Variants in PRKCQ observed in about 807,000 individuals in gnomAD.
The protein encoded by PRKCQ is protein kinase C theta type.
PRKCQ carries 41 observed loss-of-function variants against 91.2 expected under a neutral mutation model. The observed-to-expected ratio is 0.45, with a 90% confidence interval of 0.35 to 0.58. The LOEUF is 0.58. Among genes scored for constraint, PRKCQ ranks in the 20% least tolerant of loss-of-function variants. The probability of loss-of-function intolerance (pLI) is 0.00; values close to 1 mark genes in which losing one functional copy is unlikely to be tolerated. For synonymous variants in PRKCQ, 307 were observed against 316.9 expected, an observed-to-expected ratio of 0.97 and a Z score of 0.33; for missense variants, 673 against 896.5, an observed-to-expected ratio of 0.75 and a Z score of 3.18.
At chr10:6,515,276 A>G in intron 1 of PRKCQ, 132 bp from the exon 2 acceptor site, 1 of 1,539,160 alleles carries the variant, frequency 6.5e-7, no homozygotes, top group Middle Eastern at 1.7e-4. Flanking sequence ...CCATGTGAAC[A>G]AATGTTTTCA....
At chr10:6,539,196 G>A (rs1166764869) in intron 1 of PRKCQ, among the ~76,000 whole-genome samples, 2 of 152,030 alleles carry the variant, frequency 1.3e-5, no homozygotes, top group African/African-American at 2.4e-5. Flanking sequence ...ATATTTTCAC[G>A]ACTCATCAGT....
At chr10:6,522,771 C>A (rs1825195881) in intron 1 of PRKCQ, among the ~76,000 whole-genome samples, 1 of 152,178 alleles carries the variant, frequency 6.6e-6, no homozygotes, top group African/African-American at 2.4e-5. Flanking sequence ...ATCAAAACCT[C>A]TCACATGTGG....
Position 6,498,453 on chromosome 10 carries a change from A to T in PRKCQ, c.485T>A (p.Phe162Tyr), listed in dbSNP as rs1445974399. Residue 162 changes from phenylalanine (F) to tyrosine (Y), a missense_variant, in exon 5 of 18, where the codon TTC (phenylalanine) becomes TAC (tyrosine). Coordinates refer to ENST00000263125, the MANE Select transcript of PRKCQ (RefSeq NM_006257.5). ...GGGCTGTGGGAAGAAGGTGGCAGTG[A>T]ACTCGTGGCACTTGACGTGGTGGAC... is the stretch of plus-strand genomic sequence containing the variant. ...AKVHHVKCHE[F>Y]TATFFPQPTF... 1 of 1,614,196 alleles carries T rather than the reference A, an allele frequency of 6.2e-7. No homozygotes were observed. The highest frequency in any genetic ancestry group is 1.1e-5 in the South Asian group (1 of 91,082).
chr10:6,566,131 A>T (rs184143619), intron 1 of PRKCQ, among the ~76,000 whole-genome samples: 16 of 152,308 alleles, frequency 1.1e-4, no homozygotes, highest in Non-Finnish European at 4.4e-5. Context: ...CCCCACTAAC[A>T]CTGTAGAACG....
intron 7 of PRKCQ, among the ~76,000 whole-genome samples, chr10:6,494,904 C>T (rs546493163): frequency 6.6e-6 from 1 of 152,234 alleles, no homozygotes; most frequent in Non-Finnish European, 1.5e-5. Flanking sequence ...TCCGACTCAA[C>T]ATGTCCAAAC....
intron 1 of PRKCQ, among the ~76,000 whole-genome samples, chr10:6,545,945 A>C (rs951102347): frequency 6.6e-6 from 1 of 152,138 alleles, no homozygotes; most frequent in Non-Finnish European, 1.5e-5. Context: ...TGGAGGTTGC[A>C]GTGAGCTGAG....
At chr10:6,404,255 G>GAGAGAGAGAGAGAGAGAGAGAGA in the PRKCQ span, among the ~76,000 whole-genome samples, 4 of 34,360 alleles carry the variant, frequency 1.2e-4, 1 homozygote, top group Admixed American at 5.3e-4. Flanking sequence ...GAAGGGGGGG[G>GAGAGAGAGAGAGAGAGAGAGAGA]GAGAGAGAGA....
intron 8 of PRKCQ, among the ~76,000 whole-genome samples, chr10:6,490,472 T>C (rs1837224489): frequency 6.7e-6 from 1 of 150,230 alleles, no homozygotes; most frequent in Non-Finnish European, 1.5e-5. Flanking sequence ...ACTCCTGTAA[T>C]CCTAGCACTT....
rs117613395 is a variant in PRKCQ at position 6,440,657 on chromosome 10, G to A, written c.1836+1236C>T. ...AGCTGCCAATCACGAGCTCTGAGCA[G>A]AGGAAAGGAAGCAGGAGTCCCAGCT... On this transcript the variant is annotated intron_variant, in intron 16 of 17. Coordinates refer to ENST00000263125, the MANE Select transcript of PRKCQ (RefSeq NM_006257.5). Among the ~76,000 whole-genome samples, 1,015 of 150,972 alleles carry A rather than the reference G, an allele frequency of 6.7e-3. 37 individuals are homozygous for A. Among genetic ancestry groups the A allele is most frequent in the East Asian group, 0.055 (285 of 5,170 alleles).
At chr10:6,529,404 C>G (rs1235671576) in intron 1 of PRKCQ, among the ~76,000 whole-genome samples, 1 of 152,174 alleles carries the variant, frequency 6.6e-6, no homozygotes, top group Admixed American at 6.5e-5. Context: ...GATGCTGGAT[C>G]CCTTGCAGTC....
At chr10:6,550,994 CTCT>C (rs1283312592) in intron 1 of PRKCQ, among the ~76,000 whole-genome samples, 19 of 152,114 alleles carry the variant, frequency 1.2e-4, no homozygotes, top group Admixed American at 1.2e-3. Context: ...TGAGCATCTT[CTCT>C]TTTTTTTAAA....
At chr10:6,496,639 T>C (rs747198521) in intron 7 of PRKCQ, among the ~76,000 whole-genome samples, 56 of 152,292 alleles carry the variant, frequency 3.7e-4, no homozygotes, top group Non-Finnish European at 7.1e-4. Flanking sequence ...ATATAATTTG[T>C]GTATATTTAG....
intron 1 of PRKCQ, among the ~76,000 whole-genome samples, chr10:6,546,993 G>C (rs1839975393): frequency 6.6e-6 from 1 of 152,186 alleles, no homozygotes; most frequent in Non-Finnish European, 1.5e-5. Flanking sequence ...AGATAATCAT[G>C]TGGTTTTTGT....
intron 16 of PRKCQ, among the ~76,000 whole-genome samples, chr10:6,432,433 T>C (rs144240079): frequency 6.6e-6 from 1 of 152,160 alleles, no homozygotes; most frequent in East Asian, 1.9e-4. Flanking sequence ...GGTGAAATGT[T>C]TGTGCAATCA....
At chr10:6,517,569 T>C (rs561727356) in intron 1 of PRKCQ, among the ~76,000 whole-genome samples, 10 of 130,610 alleles carry the variant, frequency 7.7e-5, no homozygotes, top group Admixed American at 5.7e-4. Flanking sequence ...CAGAAAAAAA[T>C]GCATCTTTAA....
the PRKCQ span, among the ~76,000 whole-genome samples, chr10:6,401,204 G>A: frequency 1.4e-4 from 22 of 152,194 alleles, no homozygotes; most frequent in Non-Finnish European, 2.8e-4. Context: ...AAATCGCTAT[G>A]ACATGTATCT....
intron 15 of PRKCQ, among the ~76,000 whole-genome samples, chr10:6,455,150 A>G (rs999813838): frequency 2.0e-5 from 3 of 152,276 alleles, no homozygotes; most frequent in African/African-American, 7.2e-5. Flanking sequence ...ATTTGGGCAT[A>G]TTTCAGAATT....
rs541714389 is a variant in PRKCQ, at chr10:6,490,934, C to A, written c.790+749G>T. 4.6e-5 allele frequency among the ~76,000 whole-genome samples: 7 copies of A among 151,998 alleles called. No individual in the cohort carries two copies. The South Asian group carries it at 1.5e-3, about 32-fold the overall frequency. On this transcript the variant is annotated intron_variant, in intron 8 of 17. Coordinates refer to ENST00000263125, the MANE Select transcript of PRKCQ (RefSeq NM_006257.5). ...CTAGTCCTTAATCCTAGTGTAACAG[C>A]ATCTCAGCTTCTAAACGTTATCGCC...
rs752123243 is a variant in PRKCQ at position 6,491,730 on chromosome 10, C to G, written c.743G>C (p.Cys248Ser). The G allele has an allele frequency of 1.9e-6, 3 of 1,614,220 alleles. No homozygotes were observed. Among genetic ancestry groups the G allele is most frequent in the Non-Finnish European group, 2.5e-6 (3 of 1,180,030 alleles). ...NYKSPTFCEH[C>S]GTLLWGLARQ... is the part of the protein sequence containing the mutation. ...TGCCAGTCCCCACAGCAGGGTCCCA[C>G]AGTGTTCACAGAAGGTCGGGCTCTT... Residue 248 changes from cysteine to serine, a missense_variant, in exon 8 of 18, where the codon TGT (cysteine) becomes TCT (serine). Coordinates refer to ENST00000263125, the MANE Select transcript of PRKCQ (RefSeq NM_006257.5).
Sources: allele counts gnomAD v4.1 joint callset (sites outside exome capture counted in the v4.1 genomes callset), GRCh38; gene constraint gnomAD v4.1.1; transcripts MANE v1.5; gene names NCBI Gene and HGNC (gene_info 2026-07-23, HGNC 2026-07-21).